The following B4GALNT3 variants were observed in gnomAD, a reference collection of about 807,000 sequenced individuals.
B4GALNT3 encodes beta-1,4-N-acetyl-galactosaminyltransferase 3.
In B4GALNT3, 86 loss-of-function variants were observed where a neutral mutation model predicts 120.2. The observed-to-expected ratio is 0.72, with a 90% CI of 0.60 to 0.86. The LOEUF is 0.86. B4GALNT3 is among the 40% of genes least tolerant of loss of function. B4GALNT3 has a pLI of 0.00. For missense variants in B4GALNT3, 1,167 were observed against 1,298.9 expected (o/e 0.90, Z 1.56); for synonymous variants, 518 against 510.4 (o/e 1.01, Z -0.20).
At chr12:520,723 G>A (rs764845069) in intron 1 of B4GALNT3, among the ~76,000 whole-genome samples, 2 of 94,548 alleles carry the variant, frequency 2.1e-5, no homozygotes, top group Non-Finnish European at 4.3e-5. Flanking sequence ...CCTGGGAGGC[G>A]GAGGTTGCAC....
intron 1 of B4GALNT3, among the ~76,000 whole-genome samples, chr12:519,801 C>T (rs1449144833): frequency 6.6e-6 from 1 of 152,210 alleles, no homozygotes; most frequent in African/African-American, 2.4e-5. Flanking sequence ...AACTTAGCAA[C>T]TGCAGTCTCA....
intron 5 of B4GALNT3, 149 bp from the exon 6 acceptor site, chr12:545,220 C>T: frequency 6.9e-7 from 1 of 1,456,920 alleles, no homozygotes; most frequent in Non-Finnish European, 9.1e-7. Context: ...ACACTGTCTC[C>T]CAGGATGTAG....
rs754113768 is a variant in B4GALNT3, at chr12:548,194, C to T, written c.787-37C>T. 4 of 1,610,820 alleles carry T rather than the reference C, an allele frequency of 2.5e-6. No homozygotes were observed. Among genetic ancestry groups the T allele is most frequent in the Admixed American group, 1.7e-5 (1 of 60,026 alleles). ...ACCCCTGTTGGAAATCCAGCTACCT[C>T]CCACCTTCTGCATCTACCCTCTCTC... On this transcript the variant is annotated intron_variant, in intron 8 of 19. Coordinates refer to ENST00000266383, the MANE Select transcript of B4GALNT3 (RefSeq NM_173593.4). This position sits in a 1 kb window ranked among gnomAD's most constrained non-coding sequence, Gnocchi z 4.9.
rs148111671 is a variant in B4GALNT3, at chr12:552,122, C to T, written c.1167C>T (p.His389=). The T allele has an allele frequency of 6.2e-7, 1 of 1,613,220 alleles. No homozygotes were observed. Among genetic ancestry groups the T allele is most frequent in the Non-Finnish European group, 8.5e-7 (1 of 1,179,258 alleles). The change falls in exon 12 of 20, where the codon CAC becomes CAT. Residue 389 remains histidine, a synonymous_variant. Transcript: ENST00000266383. ...CCCGCCTGAGCCACATGGAGACCCA[C>T]AATAAATGTTTCTACCAGGAAAACG... ...DYTRLSHMET[H]NKCFYQENAY... is the part of the protein sequence containing the mutation.
chr12:480,361 G>C (rs182717843), intron 1 of B4GALNT3, among the ~76,000 whole-genome samples: 68 of 117,226 alleles, frequency 5.8e-4, no homozygotes, highest in African/African-American at 1.8e-3. Flanking sequence ...AACTGGCTCT[G>C]TGACTTTGAG....
intron 1 of B4GALNT3, among the ~76,000 whole-genome samples, chr12:492,296 T>C (rs1314770122): frequency 5.3e-5 from 8 of 152,186 alleles, no homozygotes; most frequent in Non-Finnish European, 7.4e-5. Context: ...GGGATACAGA[T>C]GTCAATTGCT....
intron 1 of B4GALNT3, among the ~76,000 whole-genome samples, chr12:489,588 C>T (rs944099442): frequency 1.3e-5 from 2 of 151,984 alleles, no homozygotes; most frequent in African/African-American, 4.8e-5. Flanking sequence ...ATAGATTAAA[C>T]GTAAAGGAAT....
chr12:462,367 G>C (rs1294163312), intron 1 of B4GALNT3, among the ~76,000 whole-genome samples: 2 of 148,858 alleles, frequency 1.3e-5, no homozygotes, highest in African/African-American at 5.0e-5. Context: ...TTTTACCTCC[G>C]GTGTGTTTTC....
intron 1 of B4GALNT3, among the ~76,000 whole-genome samples, chr12:517,699 C>T (rs919575085): frequency 6.6e-6 from 1 of 152,240 alleles, no homozygotes; most frequent in Non-Finnish European, 1.5e-5. Context: ...TTGCTCAGTG[C>T]TCAGTTATGT....
chr12:538,938 C>CGGGAGCT (rs2120673205), intron 3 of B4GALNT3, among the ~76,000 whole-genome samples: 1 of 152,282 alleles, frequency 6.6e-6, no homozygotes, highest in Non-Finnish European at 1.5e-5. Context: ...TACTACTGTC[C>CGGGAGCT]GGGAGCTGTC....
chr12:497,789 T>C (rs1036666969), intron 1 of B4GALNT3, among the ~76,000 whole-genome samples: 2 of 152,176 alleles, frequency 1.3e-5, no homozygotes, highest in African/African-American at 2.4e-5. Context: ...TTGTTTGTCT[T>C]GTTTTCAGCA....
rs71045065 is a variant in B4GALNT3 at position 484,799 on chromosome 12, TAA to T, written c.169+24268_169+24269del. 1.4e-3 allele frequency among the ~76,000 whole-genome samples: 208 copies of T among 144,054 alleles called. 1 individual carries two copies. Among genetic ancestry groups the T allele is most frequent in the African/African-American group, 3.5e-3 (133 of 38,538 alleles). The allele number at this position is 144,054 out of a possible 152,430, so 94.5% of individuals were successfully genotyped here. On this transcript the variant is annotated intron_variant, in intron 1 of 19. Transcript: ENST00000266383. Reference sequence around the variant, plus strand: ...AGTCTACAGGAAAGAGGAGAAAAATTAAAAAAAAAAAAAAACCACTCGTTTTG... The same window carrying T: ...AGTCTACAGGAAAGAGGAGAAAAATTAAAAAAAAAAAAACCACTCGTTTTG...
intron 11 of B4GALNT3, among the ~76,000 whole-genome samples, chr12:551,798 A>C (rs989335998): frequency 7.9e-5 from 12 of 152,232 alleles, no homozygotes; most frequent in African/African-American, 2.9e-4. Context: ...GAGCTGGTTC[A>C]GGAGGGGAGA....
In B4GALNT3 at chr12:554,776, C is replaced by A. The variant is rs1307387880; in HGVS notation, c.2060+793C>A. Among the ~76,000 whole-genome samples the A allele has an allele frequency of 1.3e-3, 105 of 78,730 alleles. 2 individuals are homozygous for A. Among genetic ancestry groups the A allele is most frequent in the African/African-American group, 5.5e-3 (98 of 17,858 alleles). 51.6% of individuals were successfully genotyped at this position (78,730 alleles called of 152,430 possible). On this transcript the variant is annotated intron_variant, in intron 14 of 19. Coordinates refer to ENST00000266383, the MANE Select transcript of B4GALNT3 (RefSeq NM_173593.4). The stretch of plus-strand genomic sequence containing the variant: ...CTGCACTCCAGCCTGGGCGACAGAG[C>A]AAGACTCCGTCTCAAAAAAAAAAAA...
chr12:477,159 T>C (rs756447914), intron 1 of B4GALNT3, among the ~76,000 whole-genome samples: 9 of 152,190 alleles, frequency 5.9e-5, no homozygotes, highest in Non-Finnish European at 1.3e-4. Flanking sequence ...ACCATGCCAC[T>C]CACCCTCTGC....
intron 1 of B4GALNT3, among the ~76,000 whole-genome samples, chr12:505,372 A>G (rs933403125): frequency 7.9e-5 from 12 of 152,206 alleles, no homozygotes; most frequent in Non-Finnish European, 2.9e-5. Flanking sequence ...TGACAGCAGC[A>G]TCAGCGGCTC....
chr12:539,323 G>A (rs933992653), intron 3 of B4GALNT3, among the ~76,000 whole-genome samples: 2 of 152,136 alleles, frequency 1.3e-5, no homozygotes, highest in Admixed American at 1.3e-4. Context: ...TAAATACACT[G>A]CTCCATTCAC....
chr12:546,263 G>T (rs1488230615), intron 6 of B4GALNT3, among the ~76,000 whole-genome samples: 2 of 148,598 alleles, frequency 1.3e-5, no homozygotes, highest in Non-Finnish European at 3.0e-5. Context: ...AGTAAGGAGT[G>T]GGGAGGTGGG....
chr12:559,313 G>C lies in B4GALNT3; in HGVS notation c.2780G>C (p.Gly927Ala). The C allele has an allele frequency of 5.6e-6, 9 of 1,614,034 alleles. No homozygotes were observed. The highest frequency in any genetic ancestry group is 7.6e-6 in the Non-Finnish European group (9 of 1,179,964). ...QWPEGYWEVN[G>A]FGLLGIYKSD... is the part of the protein sequence containing the mutation. Reference sequence around the variant, plus strand: ...TCCACAGGCTACTGGGAGGTGAATGGGTTCGGGCTGCTTGGCATCTACAAG... The same window carrying C: ...TCCACAGGCTACTGGGAGGTGAATGCGTTCGGGCTGCTTGGCATCTACAAG... The change falls in exon 19 of 20, where the codon GGG becomes GCG. Residue 927 changes from glycine (G) to alanine (A), a missense_variant. Physicochemically the swap from Gly to Ala is moderately conservative, Grantham distance 60. This residue lies in a region of B4GALNT3 where 983 missense variants were observed against 1,102.5 expected (regional missense o/e 0.89). Coordinates refer to ENST00000266383, the MANE Select transcript of B4GALNT3 (RefSeq NM_173593.4).
Sources: gnomAD v4.1 joint callset for allele counts (sites outside exome capture counted in the v4.1 genomes callset) on GRCh38, gnomAD v4.1.1 for gene constraint, gnomAD v4.1.1 regional missense constraint, Gnocchi (gnomAD v3.1) non-coding constraint, MANE v1.5 for transcripts, NCBI Gene and HGNC (gene_info 2026-07-23, HGNC 2026-07-21) for gene names.